PCCA: variants seen among roughly 807,000 people sequenced by gnomAD.
The protein encoded by PCCA is propionyl-CoA carboxylase subunit alpha.
In PCCA, 74 loss-of-function variants were observed where a neutral mutation model predicts 101.3. The ratio of observed to expected loss-of-function variants is 0.73; its 90% CI spans 0.61 to 0.89. PCCA has a LOEUF of 0.89. Among genes scored for constraint, PCCA ranks in the 40% least tolerant of loss-of-function variants. The pLI is 0.00. For missense variants in PCCA, 891 were observed against 907.0 expected (o/e 0.98, Z 0.23); for synonymous variants, 294 against 313.6 (o/e 0.94, Z 0.66).
chr13:100,373,289 C>T (rs1567025038), intron 19 of PCCA, among the ~76,000 whole-genome samples: 1 of 152,018 alleles, frequency 6.6e-6, no homozygotes, highest in African/African-American at 2.4e-5. Flanking sequence ...AAAATAAGTA[C>T]CGGTGAGGGT....
intron 19 of PCCA, among the ~76,000 whole-genome samples, chr13:100,425,374 GA>G (rs2079070075): frequency 6.6e-6 from 1 of 152,204 alleles, no homozygotes; most frequent in East Asian, 1.9e-4. Context: ...TTTCGAGTTA[GA>G]AGGCTGTTTG....
intron 21 of PCCA, among the ~76,000 whole-genome samples, chr13:100,469,337 A>C (rs2082799467): frequency 6.6e-6 from 1 of 152,124 alleles, no homozygotes; most frequent in Non-Finnish European, 1.5e-5. Flanking sequence ...AAGGAAAGGA[A>C]AAGGGCTCAG....
At chr13:100,318,241 C>T (rs2067589047) in intron 16 of PCCA, among the ~76,000 whole-genome samples, 1 of 152,182 alleles carries the variant, frequency 6.6e-6, no homozygotes, top group South Asian at 2.1e-4. Context: ...CTCCTTTGCT[C>T]ATACTCAGAC....
intron 1 of PCCA, among the ~76,000 whole-genome samples, chr13:100,091,283 A>G (rs868300901): frequency 1.7e-4 from 26 of 152,352 alleles, no homozygotes; most frequent in South Asian, 4.1e-4. Context: ...ACTGTTGTAC[A>G]CTTGTTATAC....
intron 19 of PCCA, among the ~76,000 whole-genome samples, chr13:100,418,056 A>G (rs1173635644): frequency 6.6e-6 from 1 of 151,958 alleles, no homozygotes; most frequent in Non-Finnish European, 1.5e-5. Context: ...CTGTCTCCAT[A>G]CAATCATTAT....
intron 16 of PCCA, among the ~76,000 whole-genome samples, chr13:100,320,614 T>A (rs1407299031): frequency 6.6e-6 from 1 of 152,262 alleles, no homozygotes; most frequent in East Asian, 1.9e-4. Flanking sequence ...TCTGTTTATA[T>A]GCTGGATTAC....
chr13:100,417,933 A>G (rs1282098546), intron 19 of PCCA, among the ~76,000 whole-genome samples: 1 of 151,894 alleles, frequency 6.6e-6, no homozygotes, highest in Non-Finnish European at 1.5e-5. Context: ...CTTTTTTGAA[A>G]TCACATCATC....
At chr13:100,205,208 T>A (rs1164775133) in intron 6 of PCCA, among the ~76,000 whole-genome samples, 1 of 152,172 alleles carries the variant, frequency 6.6e-6, no homozygotes. Context: ...TACTAGTGGA[T>A]AAAATCTGGC....
chr13:100,411,008 G>A (rs1278867358), intron 19 of PCCA, among the ~76,000 whole-genome samples: 2 of 152,126 alleles, frequency 1.3e-5, no homozygotes, highest in African/African-American at 4.8e-5. Flanking sequence ...TTTGAAGGGA[G>A]TTGCAAATAT....
At chr13:100,435,684 G>A (rs903905365) in intron 20 of PCCA, among the ~76,000 whole-genome samples, 7 of 152,248 alleles carry the variant, frequency 4.6e-5, no homozygotes, top group Non-Finnish European at 8.8e-5. Flanking sequence ...CAAAGAATTG[G>A]ACAACATGTC....
intron 1 of PCCA, among the ~76,000 whole-genome samples, chr13:100,098,468 C>T (rs2046977816): frequency 1.3e-5 from 2 of 152,142 alleles, no homozygotes; most frequent in Non-Finnish European, 2.9e-5. Context: ...GGTGCTGGGA[C>T]TGGCCTTTTG....
chr13:100,416,953 C>T (rs943589476), intron 19 of PCCA, among the ~76,000 whole-genome samples: 3 of 152,138 alleles, frequency 2.0e-5, no homozygotes, highest in African/African-American at 4.8e-5. Flanking sequence ...AAGCAATTCT[C>T]CTGCTTCAGC....
intron 7 of PCCA, among the ~76,000 whole-genome samples, chr13:100,224,053 T>C (rs891594723): frequency 6.6e-6 from 1 of 152,238 alleles, no homozygotes; most frequent in South Asian, 2.1e-4. Flanking sequence ...GCGCCCGCAC[T>C]CCTCAGCCCT....
At chr13:100,487,899 TA>T (rs71199602) in intron 21 of PCCA, among the ~76,000 whole-genome samples, 16 of 149,132 alleles carry the variant, frequency 1.1e-4, no homozygotes, top group Admixed American at 5.3e-4. Flanking sequence ...CTAATTAAAA[TA>T]AAAAAAAAAT....
At chr13:100,235,445 GA>G (rs2060737579) in intron 7 of PCCA, among the ~76,000 whole-genome samples, 1 of 152,124 alleles carries the variant, frequency 6.6e-6, no homozygotes, top group Admixed American at 6.5e-5. Context: ...TCCCCCTGCT[GA>G]CAGAATCTAG....
intron 12 of PCCA, among the ~76,000 whole-genome samples, chr13:100,285,345 T>G (rs1303910219): frequency 1.3e-5 from 2 of 152,146 alleles, no homozygotes; most frequent in Admixed American, 6.5e-5. Context: ...CTTCCCACAG[T>G]ACAAAGCTTC....
chr13:100,327,188 C>T (rs573198710), intron 16 of PCCA, among the ~76,000 whole-genome samples: 2 of 152,276 alleles, frequency 1.3e-5, no homozygotes, highest in South Asian at 4.1e-4. Flanking sequence ...CTTCTTTCAC[C>T]TCTGGAAGTT....
At chr13:100,498,279 T>C (rs2085423801) in intron 21 of PCCA, among the ~76,000 whole-genome samples, 1 of 151,812 alleles carries the variant, frequency 6.6e-6, no homozygotes, top group Non-Finnish European at 1.5e-5. Context: ...ATTTTTTCAT[T>C]CACAAATATT....
At chr13:100,332,698 A>G (rs931860385) in intron 17 of PCCA, among the ~76,000 whole-genome samples, 2 of 152,248 alleles carry the variant, frequency 1.3e-5, no homozygotes, top group Non-Finnish European at 2.9e-5. Flanking sequence ...CTTCAAACTC[A>G]GAAATGTACT....
Sources: gnomAD v4.1 joint callset for allele counts (sites outside exome capture counted in the v4.1 genomes callset) on GRCh38, gnomAD v4.1.1 for gene constraint, MANE v1.5 for transcripts, NCBI Gene and HGNC (gene_info 2026-07-23, HGNC 2026-07-21) for gene names.